TMEM132C: variants seen among roughly 807,000 people sequenced by gnomAD.
TMEM132C encodes the protein transmembrane protein 132C.
Under a neutral mutation model 61.4 loss-of-function variants are expected in TMEM132C, and 29 were observed. The observed-to-expected ratio is 0.47, with a 90% CI of 0.35 to 0.64. TMEM132C has a LOEUF of 0.64. Ranked by LOEUF, TMEM132C falls within the 30% of genes least tolerant of loss-of-function variation. The pLI is 0.00. For missense variants in TMEM132C, 1,408 were observed against 1,476.9 expected (o/e 0.95, Z 0.76); for synonymous variants, 656 against 633.1 (o/e 1.04, Z -0.54).
intron 1 of TMEM132C, among the ~76,000 whole-genome samples, chr12:128,308,288 C>T (rs1015449619): frequency 9.2e-5 from 14 of 152,116 alleles, no homozygotes; most frequent in Admixed American, 5.9e-4. Context: ...TAAGCCTCAA[C>T]GAGGTTTTTA....
chr12:128,315,019 C>CAGGATATTCAAAAGGATT (rs1872103101), intron 1 of TMEM132C, among the ~76,000 whole-genome samples: 1 of 152,148 alleles, frequency 6.6e-6, no homozygotes, highest in Admixed American at 6.5e-5. Context: ...TATTGAAAAA[C>CAGGATATTCAAAAGGATT]ATTAAAGCAG....
At chr12:128,279,670 C>T (rs1382651802) in intron 1 of TMEM132C, among the ~76,000 whole-genome samples, 3 of 152,250 alleles carry the variant, frequency 2.0e-5, no homozygotes, top group Non-Finnish European at 2.9e-5. Context: ...TAGATACCCT[C>T]ATGACGCACT....
At chr12:128,394,170 C>T (rs1353866433) in intron 1 of TMEM132C, among the ~76,000 whole-genome samples, 3 of 152,148 alleles carry the variant, frequency 2.0e-5, no homozygotes, top group Admixed American at 1.3e-4. Flanking sequence ...CTTTTAAAAA[C>T]CATCAGATCT....
rs1876498666 is a variant in TMEM132C at position 128,608,330 on chromosome 12, G to T, written c.1122-7822G>T. On this transcript the variant is annotated intron_variant, in intron 3 of 8. Coordinates refer to ENST00000435159, the MANE Select transcript of TMEM132C (RefSeq NM_001136103.3). ...GTGAAGTTAATATCCCTGCATATTA[G>T]AATCACCTGGGGATCTCTTAAGACT... Among the ~76,000 whole-genome samples, 4 of 152,292 alleles carry T rather than the reference G, an allele frequency of 2.6e-5. No individual in the cohort carries two copies. In the South Asian group the frequency reaches 8.3e-4, roughly 32 times the overall value.
chr12:128,516,526 G>A (rs987943699), intron 2 of TMEM132C, among the ~76,000 whole-genome samples: 5 of 152,016 alleles, frequency 3.3e-5, no homozygotes, highest in African/African-American at 7.3e-5. Context: ...GGTTATGTTC[G>A]GTGCCGTGAT....
intron 4 of TMEM132C, among the ~76,000 whole-genome samples, chr12:128,668,237 A>C (rs1425833807): frequency 1.3e-5 from 2 of 152,138 alleles, no homozygotes; most frequent in Non-Finnish European, 2.9e-5. Flanking sequence ...CAACATAGCG[A>C]GACCCCATAT....
chr12:128,538,345 A>T (rs1482386137), intron 2 of TMEM132C, among the ~76,000 whole-genome samples: 1 of 152,118 alleles, frequency 6.6e-6, no homozygotes, highest in Non-Finnish European at 1.5e-5. Flanking sequence ...GCTGGTCTGG[A>T]ACTCCTGACC....
At chr12:128,338,320 C>T (rs572201017) in intron 1 of TMEM132C, among the ~76,000 whole-genome samples, 17 of 152,256 alleles carry the variant, frequency 1.1e-4, no homozygotes, top group African/African-American at 3.1e-4. Flanking sequence ...TACCAAAAAG[C>T]GTGCCTTCCG....
chr12:128,543,326 A>T (rs1285493384), intron 2 of TMEM132C, among the ~76,000 whole-genome samples: 2 of 152,214 alleles, frequency 1.3e-5, no homozygotes, highest in Non-Finnish European at 2.9e-5. Flanking sequence ...AATGGGAGCT[A>T]CTATGATCCT....
At chr12:128,276,474 C>T (rs1045933543) in intron 1 of TMEM132C, among the ~76,000 whole-genome samples, 1 of 152,210 alleles carries the variant, frequency 6.6e-6, no homozygotes, top group Non-Finnish European at 1.5e-5. Flanking sequence ...TTGACCACTT[C>T]ATGCTTAACT....
chr12:128,312,495 G>A (rs1013285973), intron 1 of TMEM132C, among the ~76,000 whole-genome samples: 5 of 152,076 alleles, frequency 3.3e-5, no homozygotes, highest in African/African-American at 1.2e-4. Context: ...TTATGGAGAT[G>A]GGGTTTCACC....
intron 3 of TMEM132C, among the ~76,000 whole-genome samples, chr12:128,546,534 T>C (rs1282273892): frequency 1.3e-5 from 2 of 152,088 alleles, no homozygotes; most frequent in East Asian, 3.9e-4. Flanking sequence ...GCTGTCTCAG[T>C]GGTAAGCATT....
At chr12:128,429,111 G>A (rs1188157758) in intron 2 of TMEM132C, among the ~76,000 whole-genome samples, 1 of 152,100 alleles carries the variant, frequency 6.6e-6, no homozygotes, top group African/African-American at 2.4e-5. Context: ...CTTTCATTGA[G>A]GTAAGACAGG....
intron 5 of TMEM132C, among the ~76,000 whole-genome samples, chr12:128,689,882 A>G (rs1001110604): frequency 2.0e-5 from 3 of 152,212 alleles, no homozygotes; most frequent in Non-Finnish European, 2.9e-5. Context: ...TCAGCAGTCT[A>G]TGCCAACAGG....
At chr12:128,366,809 C>T (rs141771477) in intron 1 of TMEM132C, among the ~76,000 whole-genome samples, 121 of 152,266 alleles carry the variant, frequency 7.9e-4, no homozygotes, top group Non-Finnish European at 1.3e-3. Flanking sequence ...TTATGTGCTG[C>T]GTGCAGAGTT....
At chr12:128,639,688 G>A (rs1954142324) in intron 4 of TMEM132C, among the ~76,000 whole-genome samples, 1 of 152,166 alleles carries the variant, frequency 6.6e-6, no homozygotes, top group Non-Finnish European at 1.5e-5. Flanking sequence ...ATAGACTGCG[G>A]TCTTCCAGTA....
chr12:128,516,050 T>C (rs984374884), intron 2 of TMEM132C, among the ~76,000 whole-genome samples: 2 of 152,068 alleles, frequency 1.3e-5, no homozygotes, highest in South Asian at 4.2e-4. Context: ...GAGTGGTGTT[T>C]CCATTCAGAA....
At chr12:128,396,344 A>G (rs975402970) in intron 1 of TMEM132C, among the ~76,000 whole-genome samples, 2 of 151,186 alleles carry the variant, frequency 1.3e-5, no homozygotes, top group Non-Finnish European at 2.9e-5. Flanking sequence ...ATGAGAACAC[A>G]TGGTCACAGG....
At chr12:128,412,488 T>C (rs1224582049) in intron 1 of TMEM132C, among the ~76,000 whole-genome samples, 1 of 152,162 alleles carries the variant, frequency 6.6e-6, no homozygotes, top group East Asian at 1.9e-4. Flanking sequence ...AATCCACATG[T>C]TTCAAGGGCA....
Sources: allele counts gnomAD v4.1 joint callset (sites outside exome capture counted in the v4.1 genomes callset), GRCh38; gene constraint gnomAD v4.1.1; transcripts MANE v1.5; gene names NCBI Gene and HGNC (gene_info 2026-07-23, HGNC 2026-07-21).